EPHX2: variants seen among roughly 807,000 people sequenced by gnomAD.
EPHX2 encodes the protein epoxide hydrolase 2.
Under a neutral mutation model 78.7 loss-of-function variants are expected in EPHX2, and 74 were observed. That is an observed-to-expected ratio of 0.94 (90% CI 0.78 to 1.14). The LOEUF is 1.14. Ranked by LOEUF, EPHX2 falls within the 50% of genes most tolerant of loss-of-function variation. EPHX2 has a pLI of 0.00. For synonymous variants in EPHX2, 251 were observed against 255.2 expected (o/e 0.98, Z 0.16); for missense variants, 715 against 702.5 (o/e 1.02, Z -0.20).
At chr8:27,516,476 C>A in intron 8 of EPHX2, 78 bp downstream of exon 8, 2 of 1,342,332 alleles carry the variant, frequency 1.5e-6, no homozygotes, top group South Asian at 1.2e-5. Flanking sequence ...TCGGTGCTTT[C>A]CCTGGTCCCA....
intron 11 of EPHX2, among the ~76,000 whole-genome samples, chr8:27,523,106 G>A (rs1318524947): frequency 6.6e-6 from 1 of 152,186 alleles, no homozygotes; most frequent in Non-Finnish European, 1.5e-5. Context: ...TTGAGCTTGA[G>A]GGGTGCAGGG....
downstream of EPHX2, among the ~76,000 whole-genome samples, chr8:27,548,564 G>C (rs1230507152): frequency 6.6e-6 from 1 of 152,164 alleles, no homozygotes; most frequent in Non-Finnish European, 1.5e-5. Context: ...CCCAGCACTG[G>C]CCTGGCATAT....
intron 6 of EPHX2, among the ~76,000 whole-genome samples, chr8:27,514,723 AG>A (rs1355267622): frequency 6.6e-6 from 1 of 152,112 alleles, no homozygotes; most frequent in Non-Finnish European, 1.5e-5. Context: ...GGCCACGCAC[AG>A]GAGGTTCCTG....
chr8:27,526,594 C>T (rs538320488), intron 12 of EPHX2, among the ~76,000 whole-genome samples: 37 of 152,284 alleles, frequency 2.4e-4, no homozygotes, highest in African/African-American at 7.9e-4. Context: ...GCTCAACAGA[C>T]TGGGCAGCTT....
At position 27,525,354 on chromosome 8, in the gene EPHX2, TTC is replaced by T; in HGVS notation, c.1059-6_1059-5del. The T allele has an allele frequency of 1.2e-6, 2 of 1,613,630 alleles. No individual in the cohort carries two copies. Among genetic ancestry groups the T allele is most frequent in the Non-Finnish European group, 1.7e-6 (2 of 1,179,572 alleles). On this transcript the variant is annotated splice_polypyrimidine_tract_variant and splice_region_variant and intron_variant, in intron 11 of 18. Coordinates refer to ENST00000521400, the MANE Select transcript of EPHX2 (RefSeq NM_001979.6). ...GGGGCTATGTCTTGCTGCCTCTTAT[TTC>T]TGTAGGGCGGTGGCCAGTTTGAATA...
chr8:27,525,104 G>GCGCA (rs1563355299), intron 11 of EPHX2, among the ~76,000 whole-genome samples: 4 of 136,084 alleles, frequency 2.9e-5, no homozygotes, highest in African/African-American at 1.3e-4. Flanking sequence ...GTGTGTGTGT[G>GCGCA]TGTGCGCGCG....
At chr8:27,539,565 C>T (rs1330917673) in intron 14 of EPHX2, among the ~76,000 whole-genome samples, 1 of 151,996 alleles carries the variant, frequency 6.6e-6, no homozygotes, top group Non-Finnish European at 1.5e-5. Context: ...CTTATTCCTT[C>T]ACACCGTCTG....
At chr8:27,492,210 G>T (rs949753432) in intron 1 of EPHX2, among the ~76,000 whole-genome samples, 1 of 152,168 alleles carries the variant, frequency 6.6e-6, no homozygotes, top group Non-Finnish European at 1.5e-5. Context: ...TTTTAATATA[G>T]TAAGGAAGAT....
chr8:27,507,229 C>A (rs1814045605), intron 5 of EPHX2, among the ~76,000 whole-genome samples: 1 of 152,194 alleles, frequency 6.6e-6, no homozygotes, highest in Non-Finnish European at 1.5e-5. Context: ...AGTGTTAGTG[C>A]CAGGGCCGGG....
intron 15 of EPHX2, among the ~76,000 whole-genome samples, chr8:27,541,122 G>A (rs553762762): frequency 3.6e-4 from 55 of 152,250 alleles, no homozygotes; most frequent in African/African-American, 1.2e-3. Flanking sequence ...TCTGGATGGT[G>A]AGGCTGCTAA....
At chr8:27,498,933 A>G (rs1813668030) in intron 1 of EPHX2, among the ~76,000 whole-genome samples, 1 of 152,222 alleles carries the variant, frequency 6.6e-6, no homozygotes, top group African/African-American at 2.4e-5. Context: ...TGGGTAATTT[A>G]TAAAGAAAAG....
intron 2 of EPHX2, among the ~76,000 whole-genome samples, chr8:27,502,592 G>A (rs1020524361): frequency 6.6e-6 from 1 of 152,182 alleles, no homozygotes; most frequent in Non-Finnish European, 1.5e-5. Flanking sequence ...AGTGTCTGGT[G>A]AGGGCTCTCT....
chr8:27,536,884 C>G (rs574160886), intron 13 of EPHX2, 29 bp downstream of exon 13: 1 of 1,611,890 alleles, frequency 6.2e-7, no homozygotes, highest in South Asian at 1.1e-5. Flanking sequence ...TGCAGAAGAA[C>G]AGGAGGGGGC....
intron 12 of EPHX2, among the ~76,000 whole-genome samples, chr8:27,535,584 T>G (rs1368727492): frequency 6.6e-6 from 1 of 152,218 alleles, no homozygotes; most frequent in African/African-American, 2.4e-5. Context: ...ATCTTTCAAC[T>G]TCTGGAAACG....
At chr8:27,535,909 A>G (rs1392710193) in intron 12 of EPHX2, among the ~76,000 whole-genome samples, 3 of 152,150 alleles carry the variant, frequency 2.0e-5, no homozygotes, top group Non-Finnish European at 4.4e-5. Flanking sequence ...TCCACCAGGA[A>G]GGTTCTGGAG....
chr8:27,504,851 T>G (rs1413399705), intron 3 of EPHX2, 105 bp from the exon 4 acceptor site: 14 of 1,204,004 alleles, frequency 1.2e-5, no homozygotes, highest in Non-Finnish European at 4.7e-6. Context: ...TTAATAAAAG[T>G]GAGCACAACC....
Position 27,541,554 on chromosome 8 carries a change from G to A in EPHX2, c.1449+12G>A. 6.2e-7 allele frequency: 1 copy of A among 1,614,234 alleles called. No individual in the cohort carries two copies. The highest frequency in any genetic ancestry group is 1.1e-5 in the South Asian group (1 of 91,090). ...GCTTGGGACGGAAGGTGAGTGCCAG[G>A]TTCAGTGTAGTCTCATCCACACCCC... On this transcript the variant is annotated intron_variant, in intron 16 of 18. Transcript: ENST00000521400.
intron 5 of EPHX2, among the ~76,000 whole-genome samples, chr8:27,509,395 G>A (rs1814150096): frequency 6.6e-6 from 1 of 152,058 alleles, no homozygotes; most frequent in African/African-American, 2.4e-5. Context: ...GTATACCTAC[G>A]AGTGGAATTA....
At chr8:27,525,607 C>A in intron 12 of EPHX2, 134 bp downstream of exon 12, 1 of 821,212 alleles carries the variant, frequency 1.2e-6, no homozygotes, top group Non-Finnish European at 2.0e-6. Flanking sequence ...TACAAATGGG[C>A]TCAGGTGAAA....
Sources: gnomAD v4.1 joint callset for allele counts (sites outside exome capture counted in the v4.1 genomes callset) on GRCh38, gnomAD v4.1.1 for gene constraint, MANE v1.5 for transcripts, NCBI Gene and HGNC (gene_info 2026-07-23, HGNC 2026-07-21) for gene names.